CUEDC1: variants seen among roughly 807,000 people sequenced by gnomAD.
CUEDC1 encodes CUE domain-containing protein 1.
A neutral mutation model predicts 43.7 loss-of-function variants in CUEDC1; 30 were observed. The observed-to-expected ratio is 0.69, with a 90% CI of 0.51 to 0.93. The LOEUF is 0.93. Among genes scored for constraint, CUEDC1 ranks in the 40% least tolerant of loss-of-function variants. The pLI is 0.00. For missense variants in CUEDC1, 486 were observed against 549.0 expected, an observed-to-expected ratio of 0.89 and a Z score of 1.15; for synonymous variants, 223 against 223.6, an observed-to-expected ratio of 1.00 and a Z score of 0.02.
chr17:57,920,680 G>A (rs2074690180), intron 1 of CUEDC1, among the ~76,000 whole-genome samples: 1 of 147,648 alleles, frequency 6.8e-6, no homozygotes, highest in African/African-American at 2.5e-5. Flanking sequence ...TGCCCAGGCT[G>A]GAGTGTAGTG....
intron 3 of CUEDC1, among the ~76,000 whole-genome samples, chr17:57,876,725 A>C (rs1176332726): frequency 6.6e-6 from 1 of 152,244 alleles, no homozygotes; most frequent in East Asian, 1.9e-4. Context: ...CCTGGGGCAA[A>C]GGGATCTGTG....
intron 1 of CUEDC1, among the ~76,000 whole-genome samples, chr17:57,950,430 G>A (rs1206400217): frequency 1.3e-5 from 2 of 151,390 alleles, no homozygotes; most frequent in East Asian, 3.9e-4. Context: ...TAGGATTACA[G>A]ATATGAGCCA....
chr17:57,923,119 T>A (rs1323543196), intron 1 of CUEDC1, among the ~76,000 whole-genome samples: 1 of 152,098 alleles, frequency 6.6e-6, no homozygotes, highest in Non-Finnish European at 1.5e-5. Context: ...AGCCTCTGCA[T>A]CTGGCTGTGA....
At chr17:57,868,821 G>T (rs978393259) in intron 7 of CUEDC1, among the ~76,000 whole-genome samples, 1 of 152,172 alleles carries the variant, frequency 6.6e-6, no homozygotes, top group Non-Finnish European at 1.5e-5. Flanking sequence ...AGTCAGCTCC[G>T]GCCAAGCCTC....
intron 1 of CUEDC1, among the ~76,000 whole-genome samples, chr17:57,915,954 A>G (rs865826072): frequency 6.6e-6 from 1 of 152,236 alleles, no homozygotes; most frequent in Admixed American, 6.5e-5. Flanking sequence ...AGTATTCACC[A>G]TAGAACAATC....
chr17:57,920,741 C>T (rs1320883883), intron 1 of CUEDC1, among the ~76,000 whole-genome samples: 2 of 150,762 alleles, frequency 1.3e-5, no homozygotes, highest in Non-Finnish European at 2.9e-5. Context: ...GAGTGATTCT[C>T]CTGCCTTAGC....
chr17:57,950,621 C>T (rs2074998102), intron 1 of CUEDC1, among the ~76,000 whole-genome samples: 1 of 152,018 alleles, frequency 6.6e-6, no homozygotes, highest in Non-Finnish European at 1.5e-5. Context: ...TACAGGCGCC[C>T]ACCACCATGC....
At chr17:57,928,577 A>G (rs1410120288) in intron 1 of CUEDC1, among the ~76,000 whole-genome samples, 3 of 150,462 alleles carry the variant, frequency 2.0e-5, no homozygotes, top group African/African-American at 7.3e-5. Context: ...ACCTAGGGCT[A>G]ATAAGGTAAC....
chr17:57,865,828 T>TC (rs963159638), intron 10 of CUEDC1, among the ~76,000 whole-genome samples: 2 of 150,494 alleles, frequency 1.3e-5, no homozygotes, highest in African/African-American at 4.9e-5. Flanking sequence ...TTTTTCTTTT[T>TC]TTTTTTTTTT....
intron 3 of CUEDC1, among the ~76,000 whole-genome samples, chr17:57,879,136 C>G (rs755155923): frequency 6.6e-6 from 1 of 152,208 alleles, no homozygotes. Flanking sequence ...TGGCAGCTAG[C>G]CATTCCATCA....
chr17:57,899,161 C>A (rs543828572), intron 1 of CUEDC1, among the ~76,000 whole-genome samples: 2 of 152,150 alleles, frequency 1.3e-5, no homozygotes, highest in African/African-American at 4.8e-5. Context: ...CTCAGGCAGC[C>A]GGGACACCAT....
At chr17:57,939,391 A>G (rs1248383377) in intron 1 of CUEDC1, among the ~76,000 whole-genome samples, 2 of 150,504 alleles carry the variant, frequency 1.3e-5, no homozygotes, top group African/African-American at 4.9e-5. Context: ...CAGCCTCCCA[A>G]GTAGCTGGGA....
At chr17:57,932,603 A>G (rs1311486526) in intron 1 of CUEDC1, among the ~76,000 whole-genome samples, 1 of 148,962 alleles carries the variant, frequency 6.7e-6, no homozygotes, top group Admixed American at 6.7e-5. Flanking sequence ...AAAAAAAAAA[A>G]AAAAAAAAAG....
chr17:57,883,742 C>G (rs898218721), intron 2 of CUEDC1, among the ~76,000 whole-genome samples: 1 of 151,952 alleles, frequency 6.6e-6, no homozygotes, highest in African/African-American at 2.4e-5. Context: ...AAAAAACAAA[C>G]AAAAAAAGAA....
At chr17:57,929,580 C>T (rs1358741339) in intron 1 of CUEDC1, among the ~76,000 whole-genome samples, 1 of 152,146 alleles carries the variant, frequency 6.6e-6, no homozygotes, top group Non-Finnish European at 1.5e-5. Flanking sequence ...GGGTATAGAC[C>T]AGTCTGGATG....
Position 57,950,482 on chromosome 17 carries a change from T to A in CUEDC1, c.-316+4743A>T, listed in dbSNP as rs373328439. ...TTTTATTTTTTTATTTATTTATTTT[T>A]TTTTTTTTGAGACAGAGTCTCGCTC... On this transcript the variant is annotated intron_variant, in intron 1 of 10. Coordinates refer to ENST00000577830, the MANE Select transcript of CUEDC1 (RefSeq NM_001271875.2). Among the ~76,000 whole-genome samples the A allele has an allele frequency of 3.5e-4, 53 of 150,834 alleles. 1 individual carries two copies. In the South Asian group the frequency reaches 9.8e-3, roughly 28 times the overall value.
At chr17:57,921,287 G>A (rs898287457) in intron 1 of CUEDC1, among the ~76,000 whole-genome samples, 1 of 152,124 alleles carries the variant, frequency 6.6e-6, no homozygotes, top group East Asian at 1.9e-4. Flanking sequence ...ACAATGCAGT[G>A]AAAGGCATAA....
At chr17:57,908,878 T>A (rs1239043063) in intron 1 of CUEDC1, among the ~76,000 whole-genome samples, 1 of 152,068 alleles carries the variant, frequency 6.6e-6, no homozygotes, top group Non-Finnish European at 1.5e-5. Flanking sequence ...GCACCTCTAT[T>A]CCCAGCTACT....
intron 1 of CUEDC1, 56 bp from the exon 2 acceptor site, chr17:57,885,935 T>G: frequency 5.7e-6 from 1 of 174,988 alleles, no homozygotes. Flanking sequence ...GAGCTCAGGG[T>G]GGCGGCCAAG....
Sources: gnomAD v4.1 joint callset for allele counts (sites outside exome capture counted in the v4.1 genomes callset) on GRCh38, gnomAD v4.1.1 for gene constraint, MANE v1.5 for transcripts, NCBI Gene and HGNC (gene_info 2026-07-23, HGNC 2026-07-21) for gene names.